DACH2: variants seen among roughly 807,000 people sequenced by gnomAD.
The protein encoded by DACH2 is dachshund family transcription factor 2, also known as dachshund homolog 2.
Under a neutral mutation model 35.8 loss-of-function variants are expected in DACH2, and 17 were observed. The ratio of observed to expected loss-of-function variants is 0.48; its 90% CI spans 0.33 to 0.71. The LOEUF (loss-of-function observed/expected upper bound fraction) is 0.71. Among genes scored for constraint, DACH2 ranks in the 30% least tolerant of loss-of-function variants. The probability of loss-of-function intolerance (pLI) is 0.02; values close to 1 mark genes in which losing one functional copy is unlikely to be tolerated. For missense variants in DACH2, 469 were observed against 472.7 expected, an observed-to-expected ratio of 0.99 and a Z score of 0.07; for synonymous variants, 195 against 177.3, an observed-to-expected ratio of 1.10 and a Z score of -0.79.
At position 86,599,452 on chromosome X, in the gene DACH2, T is replaced by C. The variant is rs754272719; in HGVS notation, c.641-51584T>C. On this transcript the variant is annotated intron_variant, in intron 3 of 11. Transcript: ENST00000373125. ...TCTCTTCCTCTCTCTTTCTTTCCCT[T>C]CCTTCCTTCCTTCTTTTCTTTCTTT... 5.0e-4 allele frequency among the ~76,000 whole-genome samples: 51 copies of C among 101,455 alleles called. No individual in the cohort carries two copies. The Middle Eastern group carries it at 0.031, about 61-fold the overall frequency. The allele number at this position is 101,455 out of a possible 115,157, so 88.1% of individuals were successfully genotyped here. A position where few individuals can be genotyped will look rare whatever the true frequency, so the allele number is the denominator to read the frequency against.
intron 1 of DACH2, among the ~76,000 whole-genome samples, chrX:86,349,593 G>C (rs761752524): frequency 8.9e-6 from 1 of 112,102 alleles, no homozygotes; most frequent in South Asian, 3.7e-4. Flanking sequence ...CATAAACACA[G>C]CTCGAGTTTA....
At position 86,462,501 on chromosome X, in the gene DACH2, A is replaced by G. The variant is rs995310578; in HGVS notation, c.528-51778A>G. ...CAGGGGCAAGAGGTCTTGTACATAC[A>G]TTGTTCATCTAATTACACATTCTTC... On this transcript the variant is annotated intron_variant, in intron 2 of 11. Coordinates refer to ENST00000373125, the MANE Select transcript of DACH2 (RefSeq NM_053281.3). 3.6e-5 allele frequency among the ~76,000 whole-genome samples: 4 copies of G among 111,871 alleles called. No individual in the cohort carries two copies. The East Asian group carries it at 1.1e-3, about 31-fold the overall frequency.
At chrX:86,474,758 A>G (rs188001124) in intron 2 of DACH2, among the ~76,000 whole-genome samples, 18 of 110,816 alleles carry the variant, frequency 1.6e-4, no homozygotes, top group African/African-American at 5.6e-4. Flanking sequence ...TTTGAGATGG[A>G]GTTTTGCTCT....
chrX:86,610,981 G>A (rs1401213114), intron 3 of DACH2, among the ~76,000 whole-genome samples: 3 of 110,606 alleles, frequency 2.7e-5, no homozygotes, highest in Non-Finnish European at 5.7e-5. Context: ...TCAATCTGAA[G>A]GAGTCTCTCA....
chrX:86,549,518 CT>C (rs1232710509), intron 3 of DACH2, among the ~76,000 whole-genome samples: 125 of 107,948 alleles, frequency 1.2e-3, no homozygotes, highest in African/African-American at 3.8e-3. Flanking sequence ...GAGAGAAAGC[CT>C]TTTTTTTTCT....
intron 1 of DACH2, among the ~76,000 whole-genome samples, chrX:86,268,138 G>C (rs978073499): frequency 8.9e-6 from 1 of 112,333 alleles, no homozygotes; most frequent in Non-Finnish European, 1.9e-5. Context: ...TGTGAAAAGA[G>C]CTGGGTTAAA....
At chrX:86,158,342 G>A (rs779086269) in intron 1 of DACH2, among the ~76,000 whole-genome samples, 9 of 111,180 alleles carry the variant, frequency 8.1e-5, no homozygotes, top group Non-Finnish European at 1.1e-4. Flanking sequence ...GACAAGGTCT[G>A]GCTCTGTCAC....
intron 2 of DACH2, among the ~76,000 whole-genome samples, chrX:86,424,669 A>T (rs1158157780): frequency 2.7e-5 from 3 of 111,378 alleles, no homozygotes; most frequent in African/African-American, 9.8e-5. Context: ...GATGCCCTTT[A>T]TATCTTTCTC....
At chrX:86,278,026 G>A (rs753085024) in intron 1 of DACH2, among the ~76,000 whole-genome samples, 1 of 111,871 alleles carries the variant, frequency 8.9e-6, no homozygotes, top group African/African-American at 3.2e-5. Context: ...CAGCTCAGTG[G>A]TTAGACCGAG....
chrX:86,305,311 C>T (rs956485864), intron 1 of DACH2, among the ~76,000 whole-genome samples: 3 of 111,719 alleles, frequency 2.7e-5, no homozygotes, highest in Non-Finnish European at 5.6e-5. Flanking sequence ...CTGTTGACAA[C>T]ATGTGAAATT....
chrX:86,348,692 G>A (rs2035537613), intron 1 of DACH2, among the ~76,000 whole-genome samples: 1 of 112,217 alleles, frequency 8.9e-6, no homozygotes, highest in South Asian at 3.7e-4. Flanking sequence ...TCCTTGGTAA[G>A]GTGGACATAA....
At chrX:86,531,152 T>C (rs1159532213) in intron 3 of DACH2, among the ~76,000 whole-genome samples, 1 of 112,007 alleles carries the variant, frequency 8.9e-6, no homozygotes, top group African/African-American at 3.2e-5. Context: ...GAATTTGTGA[T>C]TAAAAGCGAA....
intron 1 of DACH2, among the ~76,000 whole-genome samples, chrX:86,238,905 G>A (rs889600674): frequency 9.0e-6 from 1 of 111,135 alleles, no homozygotes; most frequent in Non-Finnish European, 1.9e-5. Context: ...ACAAGCAAAT[G>A]TAAATCATGA....
At chrX:86,170,500 C>A (rs771615646) in intron 1 of DACH2, among the ~76,000 whole-genome samples, 7 of 111,976 alleles carry the variant, frequency 6.3e-5, no homozygotes, top group Admixed American at 9.4e-5. Context: ...CAGTCAAAAC[C>A]CTTAGAAGTC....
intron 2 of DACH2, among the ~76,000 whole-genome samples, chrX:86,421,080 G>A (rs905704690): frequency 9.0e-6 from 1 of 111,550 alleles, no homozygotes; most frequent in Non-Finnish European, 1.9e-5. Context: ...CATTTGTCAT[G>A]CACAAAAGCA....
At chrX:86,533,922 A>G (rs555862066) in intron 3 of DACH2, among the ~76,000 whole-genome samples, 8 of 111,783 alleles carry the variant, frequency 7.2e-5, no homozygotes, top group African/African-American at 2.6e-4. Flanking sequence ...AAGAATTTCT[A>G]TGAAGACATC....
intron 3 of DACH2, among the ~76,000 whole-genome samples, chrX:86,632,494 G>GCA (rs3041616): frequency 0.048 from 4,637 of 95,785 alleles, 133 homozygotes; most frequent in African/African-American, 0.096. Context: ...TCATACACAT[G>GCA]CACACACACA....
In DACH2 at chrX:86,642,906, A is replaced by G. The variant is rs181153261; in HGVS notation, c.641-8130A>G. Among the ~76,000 whole-genome samples, 216 of 112,003 alleles carry G rather than the reference A, an allele frequency of 1.9e-3. 1 individual carries two copies. Among genetic ancestry groups the G allele is most frequent in the African/African-American group, 6.7e-3 (206 of 30,894 alleles). On this transcript the variant is annotated intron_variant, in intron 3 of 11. Transcript: ENST00000373125. ...AGAAATCAATAAGTTCTTTAAAAAT[A>G]ATGAGAACAAAGATGCAACATACCA... is the stretch of plus-strand genomic sequence containing the variant.
At chrX:86,335,842 T>A (rs2035298070) in intron 1 of DACH2, among the ~76,000 whole-genome samples, 1 of 112,071 alleles carries the variant, frequency 8.9e-6, no homozygotes, top group South Asian at 3.7e-4. Flanking sequence ...TCATAGGGCA[T>A]GCTTCCAGCT....
Sources: gnomAD v4.1 joint callset for allele counts (sites outside exome capture counted in the v4.1 genomes callset) on GRCh38, gnomAD v4.1.1 for gene constraint, MANE v1.5 for transcripts, NCBI Gene and HGNC (gene_info 2026-07-23, HGNC 2026-07-21) for gene names.